RAB14: variants seen among roughly 807,000 people sequenced by gnomAD.
RAB14 encodes RAB14, member RAS oncogene family.
RAB14 carries 3 observed loss-of-function variants against 31.1 expected under a neutral mutation model. The observed-to-expected ratio is 0.10, with a 90% confidence interval of 0.04 to 0.25. The LOEUF is 0.25. Ranked by LOEUF, RAB14 falls within the 10% of genes least tolerant of loss-of-function variation. The pLI is 1.00. For synonymous variants in RAB14, 85 were observed against 84.9 expected, an observed-to-expected ratio of 1.00 and a Z score of 0.00; for missense variants, 111 against 260.1, an observed-to-expected ratio of 0.43 and a Z score of 3.94.
Position 121,183,418 on chromosome 9 carries a change from A to C in RAB14, c.352-20T>G, listed in dbSNP as rs1417921006. 2 of 1,530,846 alleles carry C rather than the reference A, an allele frequency of 1.3e-6. No homozygotes were observed. Among genetic ancestry groups the C allele is most frequent in the Non-Finnish European group, 1.8e-6 (2 of 1,112,966 alleles). The allele number at this position is 1,530,846 out of a possible 1,614,324, so 94.8% of individuals were successfully genotyped here. On this transcript the variant is annotated intron_variant, in intron 5 of 7. Transcript: ENST00000373840. ...TATTACCTAATTTGTGATCAAAAGA[A>C]AGACACCTTGTAACAAAAGCAGTAA...
At chr9:121,185,523 T>C (rs1386081343) in intron 5 of RAB14, among the ~76,000 whole-genome samples, 1 of 152,116 alleles carries the variant, frequency 6.6e-6, no homozygotes, top group Non-Finnish European at 1.5e-5. Flanking sequence ...AAGAAACTGC[T>C]TCTGTGCTGC....
At chr9:121,194,353 T>C (rs1428958596) in intron 1 of RAB14, among the ~76,000 whole-genome samples, 3 of 152,312 alleles carry the variant, frequency 2.0e-5, no homozygotes, top group African/African-American at 7.2e-5. Flanking sequence ...TATTAGAAGA[T>C]ATTTCAAAAG....
chr9:121,191,785 A>G (rs1226308472), intron 3 of RAB14, among the ~76,000 whole-genome samples: 1 of 152,192 alleles, frequency 6.6e-6, no homozygotes, highest in African/African-American at 2.4e-5. Flanking sequence ...CCCAAGAAAG[A>G]GTAGAAAGAA....
chr9:121,187,802 T>A (rs1444724683), intron 4 of RAB14, among the ~76,000 whole-genome samples: 1 of 152,002 alleles, frequency 6.6e-6, no homozygotes, highest in Non-Finnish European at 1.5e-5. Flanking sequence ...GATAATAAAA[T>A]TTTTGAGGTT....
chr9:121,195,459 T>C (rs1295161779), intron 1 of RAB14, among the ~76,000 whole-genome samples: 1 of 152,136 alleles, frequency 6.6e-6, no homozygotes, highest in Non-Finnish European at 1.5e-5. Flanking sequence ...AATCCCAAAT[T>C]TCTACTTCAA....
At chr9:121,193,827 G>C (rs2053699363) in intron 1 of RAB14, among the ~76,000 whole-genome samples, 1 of 152,062 alleles carries the variant, frequency 6.6e-6, no homozygotes, top group South Asian at 2.1e-4. Context: ...AACTGATCAA[G>C]TAAGTTACTA....
chr9:121,187,303 AG>A (rs1199277484), intron 4 of RAB14, among the ~76,000 whole-genome samples: 3 of 152,110 alleles, frequency 2.0e-5, no homozygotes, highest in African/African-American at 4.8e-5. Context: ...TAAGCAAGCA[AG>A]GAACAACACA....
At chr9:121,184,576 G>A (rs866626561) in intron 5 of RAB14, among the ~76,000 whole-genome samples, 2 of 152,014 alleles carry the variant, frequency 1.3e-5, no homozygotes, top group South Asian at 4.2e-4. Flanking sequence ...CAACTAAAAG[G>A]CACTTCAGCC....
chr9:121,194,768 T>C (rs1039610449), intron 1 of RAB14, among the ~76,000 whole-genome samples: 4 of 152,178 alleles, frequency 2.6e-5, no homozygotes, highest in Admixed American at 2.6e-4. Context: ...AAAAGTTCTA[T>C]ATAACAACAT....
At chr9:121,188,143 C>T (rs760052278) in intron 4 of RAB14, among the ~76,000 whole-genome samples, 17 of 151,900 alleles carry the variant, frequency 1.1e-4, no homozygotes, top group Non-Finnish European at 2.1e-4. Flanking sequence ...TCATATATAT[C>T]AAAATAGCCC....
rs886340052 is a variant in RAB14, at chr9:121,178,455, A to T, written c.*2941T>A. 6.6e-6 allele frequency: 1 copy of T among 152,518 alleles called. No individual in the cohort carries two copies. Among genetic ancestry groups the T allele is most frequent in the African/African-American group, 2.4e-5 (1 of 41,418 alleles). 9.4% of individuals were successfully genotyped at this position (152,518 alleles called of 1,614,324 possible). On this transcript the variant is annotated 3_prime_UTR_variant, in exon 8 of 8. Coordinates refer to ENST00000373840, the MANE Select transcript of RAB14 (RefSeq NM_016322.4). ...CCACATGAACCCTCTCTATATTCCC[A>T]CATGAAGAGGAATGGAAGGTAATTA...
At position 121,180,150 on chromosome 9, in the gene RAB14, C is replaced by G. The variant is rs559124750; in HGVS notation, c.*1246G>C. The G allele has an allele frequency of 2.6e-5, 4 of 152,676 alleles. No homozygotes were observed. The South Asian group carries it at 8.3e-4, about 32-fold the overall frequency. The allele number at this position is 152,676 out of a possible 1,614,324, so 9.5% of individuals were successfully genotyped here. Reference sequence around the variant, plus strand: ...TTATGCCAACATGACATAAAACAGCCCCTCACACTGTGAACACAGGGATAT... The same window carrying G: ...TTATGCCAACATGACATAAAACAGCGCCTCACACTGTGAACACAGGGATAT... On this transcript the variant is annotated 3_prime_UTR_variant, in exon 8 of 8. Coordinates refer to ENST00000373840, the MANE Select transcript of RAB14 (RefSeq NM_016322.4).
At position 121,181,427 on chromosome 9, in the gene RAB14, G is replaced by A. The variant is rs1564318076; in HGVS notation, c.617C>T (p.Pro206Leu). The change falls in exon 8 of 8, where the codon CCC becomes CTC. Residue 206 changes from proline to leucine, a missense_variant. Pro to Leu is a moderately conservative substitution (Grantham distance 98). Transcript: ENST00000373840. The stretch of plus-strand genomic sequence containing the variant: ...GCCACAGCCTTCTCTCTGGGGTTGG[G>A]GTTCACTGGTTAGCCGGCCTCCCTG... ...APQGGRLTSE[P>L]QPQREGCGC The A allele has an allele frequency of 1.2e-6, 2 of 1,608,588 alleles. No homozygotes were observed. The highest frequency in any genetic ancestry group is 1.7e-6 in the Non-Finnish European group (2 of 1,175,754).
At chr9:121,182,583 T>G (rs1014453704) in intron 7 of RAB14, among the ~76,000 whole-genome samples, 1 of 152,236 alleles carries the variant, frequency 6.6e-6, no homozygotes, top group Non-Finnish European at 1.5e-5. Context: ...GAAGAACAGA[T>G]TGACCAAGCT....
chr9:121,197,172 C>T (rs2053722202), intron 1 of RAB14, among the ~76,000 whole-genome samples: 2 of 152,090 alleles, frequency 1.3e-5, no homozygotes, highest in Admixed American at 6.6e-5. Context: ...TATAAACTAC[C>T]CTTGCTGCCA....
At chr9:121,190,863 T>A (rs1387776513) in intron 3 of RAB14, 132 bp from the exon 4 acceptor site, 11 of 728,586 alleles carry the variant, frequency 1.5e-5, no homozygotes, top group East Asian at 3.3e-5. Context: ...AAGCTACCGC[T>A]AAAAAAAAAA....
intron 7 of RAB14, 78 bp from the exon 8 acceptor site, chr9:121,181,651 T>C: frequency 2.5e-6 from 3 of 1,193,224 alleles, no homozygotes; most frequent in South Asian, 3.3e-5. Context: ...TGCTAATCTT[T>C]AGTTAACTGC....
intron 1 of RAB14, among the ~76,000 whole-genome samples, chr9:121,201,104 C>A (rs556319854): frequency 6.6e-6 from 1 of 152,040 alleles, no homozygotes; most frequent in Non-Finnish European, 1.5e-5. Flanking sequence ...CTCCCCACAT[C>A]GACAAGGACA....
rs1293158786 is a variant in RAB14 at position 121,201,789 on chromosome 9, C to G, written c.-158G>C. The stretch of plus-strand genomic sequence containing the variant: ...GGCAGGCCGAGAGGTGCAGACGCGC[C>G]GGCAGCAGTAGCGGCAGTAGCAGTG... On this transcript the variant is annotated 5_prime_UTR_variant, in exon 1 of 8. Transcript: ENST00000373840. 1 of 152,502 alleles carries G rather than the reference C, an allele frequency of 6.6e-6. No homozygotes were observed. The highest frequency in any genetic ancestry group is 1.5e-5 in the Non-Finnish European group (1 of 68,324). 9.4% of individuals were successfully genotyped at this position (152,502 alleles called of 1,614,324 possible). A position where few individuals can be genotyped will look rare whatever the true frequency, so the allele number is the denominator to read the frequency against.
Sources: gnomAD v4.1 joint callset for allele counts (sites outside exome capture counted in the v4.1 genomes callset) on GRCh38, gnomAD v4.1.1 for gene constraint, MANE v1.5 for transcripts, NCBI Gene and HGNC (gene_info 2026-07-23, HGNC 2026-07-21) for gene names.